ZNF407: variants seen among roughly 807,000 people sequenced by gnomAD.
ZNF407 encodes the protein zinc finger protein 407.
Under a neutral mutation model 131.2 loss-of-function variants are expected in ZNF407, and 17 were observed. The ratio of observed to expected loss-of-function variants is 0.13; its 90% CI spans 0.09 to 0.19. ZNF407 has a LOEUF of 0.19. Ranked by LOEUF, ZNF407 falls within the 10% of genes least tolerant of loss-of-function variation. The pLI, the probability that ZNF407 is intolerant of heterozygous loss-of-function variation, is 1.00. For synonymous variants in ZNF407, 1,156 were observed against 1,062.0 expected (o/e 1.09, Z -1.72); for missense variants, 2,681 against 2,830.6 (o/e 0.95, Z 1.20).
chr18:74,609,769 G>C (rs1230296574), intron 1 of ZNF407, among the ~76,000 whole-genome samples: 1 of 152,214 alleles, frequency 6.6e-6, no homozygotes, highest in African/African-American at 2.4e-5. Context: ...CCGTTGTAAT[G>C]ATAGGGAACC....
At chr18:74,655,511 A>G (rs1214910110) in intron 3 of ZNF407, among the ~76,000 whole-genome samples, 1 of 152,132 alleles carries the variant, frequency 6.6e-6, no homozygotes, top group Non-Finnish European at 1.5e-5. Context: ...ATGGATGATA[A>G]GTACCAGTAT....
At position 74,632,682 on chromosome 18, in the gene ZNF407, A is replaced by C; in HGVS notation, c.1663A>C (p.Met555Leu). 1.2e-6 allele frequency: 2 copies of C among 1,614,060 alleles called. No individual in the cohort carries two copies. Among genetic ancestry groups the C allele is most frequent in the South Asian group, 1.1e-5 (1 of 91,086 alleles). ...TGTGAAAAGGTGCCATGCCAGAGAG[A>C]TGAAATTTTACTGCCGTACTTGTGA... ...IHVKRCHAREMKFYCRTCDFS... is the reference protein window; with the variant it reads ...IHVKRCHARELKFYCRTCDFS... The change falls in exon 2 of 9, where the codon ATG becomes CTG. Residue 555 changes from methionine to leucine, a missense_variant. Transcript: ENST00000299687.
At chr18:74,926,929 A>G (rs1210302967) in intron 8 of ZNF407, among the ~76,000 whole-genome samples, 1 of 152,224 alleles carries the variant, frequency 6.6e-6, no homozygotes, top group African/African-American at 2.4e-5. Context: ...AGTGTCAGAG[A>G]AGCATTTGCT....
chr18:75,030,700 G>C (rs964895486), intron 8 of ZNF407, among the ~76,000 whole-genome samples: 1 of 152,182 alleles, frequency 6.6e-6, no homozygotes, highest in South Asian at 2.1e-4. Context: ...CAGGACCCAT[G>C]CTGGGCGTGC....
At chr18:74,776,343 A>G (rs1969470886) in intron 3 of ZNF407, among the ~76,000 whole-genome samples, 1 of 152,190 alleles carries the variant, frequency 6.6e-6, no homozygotes, top group Non-Finnish European at 1.5e-5. Context: ...AGTCTCAGGT[A>G]TTTTGTTGTA....
chr18:74,711,620 A>G (rs1326167086), intron 3 of ZNF407, among the ~76,000 whole-genome samples: 1 of 152,228 alleles, frequency 6.6e-6, no homozygotes, highest in Non-Finnish European at 1.5e-5. Context: ...GGTCTGTAAG[A>G]TAATAAATAT....
chr18:74,658,954 G>A (rs1043867226), intron 3 of ZNF407, among the ~76,000 whole-genome samples: 2 of 152,036 alleles, frequency 1.3e-5, no homozygotes, highest in Non-Finnish European at 2.9e-5. Flanking sequence ...TTCAGATTGT[G>A]TAATTAAAAT....
At chr18:74,956,004 G>A (rs1226796097) in intron 8 of ZNF407, among the ~76,000 whole-genome samples, 1 of 152,146 alleles carries the variant, frequency 6.6e-6, no homozygotes, top group African/African-American at 2.4e-5. Flanking sequence ...ATTCTTCCTT[G>A]TAACTTGCCT....
rs770049988 is a variant in ZNF407, at chr18:74,633,110, G to T, written c.2091G>T (p.Val697=). ...CCAGGGTAAGCCATGGTAATGAAGT[G>T]AGGCATTCCAGTAAGCCTCAGTTTC... ...LKSRVSHGNE[V]RHSSKPQFQC... The change falls in exon 2 of 9, where the codon GTG becomes GTT. Residue 697 remains valine, a synonymous_variant. Coordinates refer to ENST00000299687, the MANE Select transcript of ZNF407 (RefSeq NM_017757.3). The T allele has an allele frequency of 1.2e-6, 2 of 1,613,500 alleles. No individual in the cohort carries two copies. Among genetic ancestry groups the T allele is most frequent in the South Asian group, 2.2e-5 (2 of 90,936 alleles).
intron 8 of ZNF407, among the ~76,000 whole-genome samples, chr18:75,060,654 C>T (rs1237239136): frequency 3.9e-5 from 6 of 151,904 alleles, no homozygotes; most frequent in African/African-American, 1.2e-4. Flanking sequence ...TACAGGCACC[C>T]GCCACCGCGC....
intron 3 of ZNF407, among the ~76,000 whole-genome samples, chr18:74,674,193 G>T (rs912699535): frequency 6.6e-6 from 1 of 152,144 alleles, no homozygotes; most frequent in African/African-American, 2.4e-5. Context: ...CACTTAATGT[G>T]TCCTTTCTCA....
intron 1 of ZNF407, among the ~76,000 whole-genome samples, chr18:74,603,640 C>T (rs965886330): frequency 1.3e-4 from 20 of 152,192 alleles, no homozygotes; most frequent in African/African-American, 3.1e-4. Flanking sequence ...ACACCATTGA[C>T]GCCTGTGAAA....
chr18:74,619,831 T>C (rs1394408146), intron 1 of ZNF407, among the ~76,000 whole-genome samples: 1 of 152,232 alleles, frequency 6.6e-6, no homozygotes, highest in Non-Finnish European at 1.5e-5. Context: ...GAAAATTCAT[T>C]ATAATGTCTT....
At chr18:74,776,588 A>G (rs1008801391) in intron 3 of ZNF407, among the ~76,000 whole-genome samples, 4 of 151,868 alleles carry the variant, frequency 2.6e-5, no homozygotes, top group African/African-American at 9.7e-5. Flanking sequence ...AATTCCCCCT[A>G]CCCCTACTTT....
chr18:74,738,227 C>T (rs1402044977), intron 3 of ZNF407, among the ~76,000 whole-genome samples: 1 of 151,818 alleles, frequency 6.6e-6, no homozygotes, highest in African/African-American at 2.4e-5. Context: ...TGAGACCATC[C>T]TGGCCAACAT....
intron 3 of ZNF407, among the ~76,000 whole-genome samples, chr18:74,678,495 G>T (rs939099511): frequency 5.3e-5 from 8 of 152,136 alleles, no homozygotes; most frequent in Non-Finnish European, 1.0e-4. Context: ...CCATCAGCCT[G>T]CTGGCTGTCC....
intron 8 of ZNF407, among the ~76,000 whole-genome samples, chr18:75,012,839 C>G (rs1373588789): frequency 6.6e-6 from 1 of 151,428 alleles, no homozygotes; most frequent in Non-Finnish European, 1.5e-5. Context: ...ATTTTAAATA[C>G]ATGCATTTTT....
At chr18:74,820,478 C>A (rs889315836) in intron 4 of ZNF407, among the ~76,000 whole-genome samples, 1 of 152,232 alleles carries the variant, frequency 6.6e-6, no homozygotes, top group Admixed American at 6.5e-5. Flanking sequence ...CAAACTGGTT[C>A]AGGGACAACG....
intron 8 of ZNF407, among the ~76,000 whole-genome samples, chr18:75,025,074 C>T (rs766751527): frequency 1.3e-5 from 2 of 152,156 alleles, no homozygotes; most frequent in Non-Finnish European, 2.9e-5. Context: ...CAACAGCCGT[C>T]GCGCAAAATG....
Sources: gnomAD v4.1 joint callset for allele counts (sites outside exome capture counted in the v4.1 genomes callset) on GRCh38, gnomAD v4.1.1 for gene constraint, MANE v1.5 for transcripts, NCBI Gene and HGNC (gene_info 2026-07-23, HGNC 2026-07-21) for gene names.